Variants in DLGAP2 observed in about 807,000 individuals in gnomAD.
The protein encoded by DLGAP2 is DLG associated protein 2.
Under a neutral mutation model 100.3 loss-of-function variants are expected in DLGAP2, and 26 were observed. The ratio of observed to expected loss-of-function variants is 0.26; its 90% CI spans 0.19 to 0.36. DLGAP2 has a LOEUF of 0.36. Ranked by LOEUF, DLGAP2 falls within the 10% of genes least tolerant of loss-of-function variation. DLGAP2 has a pLI of 1.00. For missense variants in DLGAP2, 1,858 were observed against 1,453.2 expected, an observed-to-expected ratio of 1.28 and a Z score of -4.53; for synonymous variants, 886 against 630.1, an observed-to-expected ratio of 1.41 and a Z score of -6.08.
At chr8:1,276,219 G>A (rs971713302) in intron 3 of DLGAP2, among the ~76,000 whole-genome samples, 5 of 149,512 alleles carry the variant, frequency 3.3e-5, no homozygotes, top group East Asian at 2.0e-4. Context: ...CTCCCCCCCC[G>A]ACCCTAGCTC....
At chr8:1,696,008 C>G (rs1342080158) in intron 13 of DLGAP2, among the ~76,000 whole-genome samples, 3 of 152,226 alleles carry the variant, frequency 2.0e-5, no homozygotes, top group Non-Finnish European at 4.4e-5. Flanking sequence ...CGGAGGGCAG[C>G]TGGGGGCCCC....
chr8:1,287,957 T>G (rs1799978059), intron 3 of DLGAP2, among the ~76,000 whole-genome samples: 1 of 113,468 alleles, frequency 8.8e-6, no homozygotes, highest in African/African-American at 3.6e-5. Flanking sequence ...TGTGTGTGTG[T>G]GGTTGTTAGG....
intron 6 of DLGAP2, chr8:1,620,562 G>A (rs1040618408): frequency 2.0e-5 from 3 of 152,386 alleles, no homozygotes; most frequent in Non-Finnish European, 2.9e-5. Flanking sequence ...TCCAAAACCT[G>A]TTTTTCTTCC....
chr8:1,029,656 G>T (rs998633036), intron 2 of DLGAP2, among the ~76,000 whole-genome samples: 1 of 149,334 alleles, frequency 6.7e-6, no homozygotes, highest in Non-Finnish European at 1.5e-5. Context: ...GTGAATCTGT[G>T]TTTTAATACT....
In DLGAP2 at chr8:1,703,460, T is replaced by G. The variant is rs1450802825; in HGVS notation, c.*2054T>G. The G allele has an allele frequency of 6.6e-6, 1 of 152,632 alleles. No homozygotes were observed. The highest frequency in any genetic ancestry group is 1.5e-5 in the Non-Finnish European group (1 of 68,040). The allele number at this position is 152,632 out of a possible 1,614,324, so 9.5% of individuals were successfully genotyped here. On this transcript the variant is annotated 3_prime_UTR_variant, in exon 15 of 15. Coordinates refer to ENST00000637795, the MANE Select transcript of DLGAP2 (RefSeq NM_001346810.2). ...TCTTATTATGTTAAAACAAATGTAT[T>G]TGCGAGTATTGGCATTTTAGACTTT...
intron 3 of DLGAP2, among the ~76,000 whole-genome samples, chr8:1,494,785 A>C (rs1018251725): frequency 2.0e-5 from 3 of 152,070 alleles, no homozygotes; most frequent in Non-Finnish European, 4.4e-5. Context: ...GCCTCCCCCA[A>C]ACAGACACCA....
intron 1 of DLGAP2, among the ~76,000 whole-genome samples, chr8:750,334 A>C (rs1214926732): frequency 6.6e-6 from 1 of 152,262 alleles, no homozygotes; most frequent in Non-Finnish European, 1.5e-5. Flanking sequence ...AGGAAAAGTA[A>C]CAAAAGAAAC....
intron 1 of DLGAP2, among the ~76,000 whole-genome samples, chr8:874,753 C>T (rs1177470685): frequency 6.6e-6 from 1 of 152,142 alleles, no homozygotes; most frequent in Non-Finnish European, 1.5e-5. Flanking sequence ...TTGTTCAAGC[C>T]TTCTCTTTCC....
At chr8:1,544,061 C>T (rs1341634887) in intron 4 of DLGAP2, among the ~76,000 whole-genome samples, 1 of 152,032 alleles carries the variant, frequency 6.6e-6, no homozygotes, top group Non-Finnish European at 1.5e-5. Context: ...TACTACTATG[C>T]CTGGCTAATT....
intron 3 of DLGAP2, among the ~76,000 whole-genome samples, chr8:1,352,926 GC>G (rs1801768743): frequency 6.6e-6 from 1 of 152,182 alleles, no homozygotes; most frequent in Non-Finnish European, 1.5e-5. Context: ...AGCTCAGCCT[GC>G]CATTGGGGTG....
chr8:1,076,946 C>T (rs2701932), intron 2 of DLGAP2, among the ~76,000 whole-genome samples: 2 of 136,260 alleles, frequency 1.5e-5, no homozygotes, highest in Non-Finnish European at 3.2e-5. Flanking sequence ...CTGTCCCGGG[C>T]CCCCCAAGAC....
intron 1 of DLGAP2, among the ~76,000 whole-genome samples, chr8:831,294 C>T (rs959833888): frequency 2.0e-5 from 3 of 150,476 alleles, no homozygotes; most frequent in African/African-American, 7.4e-5. Flanking sequence ...TATACATGTG[C>T]CATGTTGGTT....
At chr8:1,501,457 C>G (rs1276927914) in intron 4 of DLGAP2, 26 bp downstream of exon 4, 3 of 1,534,524 alleles carry the variant, frequency 2.0e-6, no homozygotes, top group South Asian at 1.2e-5. Flanking sequence ...CAGCCCCGCT[C>G]TGGCGGGGCC....
intron 2 of DLGAP2, among the ~76,000 whole-genome samples, chr8:923,211 C>G (rs1348980490): frequency 6.6e-6 from 1 of 152,048 alleles, no homozygotes; most frequent in Non-Finnish European, 1.5e-5. Context: ...GACAGGCTTT[C>G]TCTCCTGTGT....
intron 1 of DLGAP2, among the ~76,000 whole-genome samples, chr8:833,419 G>A (rs990737696): frequency 4.6e-5 from 7 of 152,144 alleles, no homozygotes; most frequent in Non-Finnish European, 1.0e-4. Flanking sequence ...TGAGGTTCTG[G>A]GGGGACCTGT....
intron 3 of DLGAP2, among the ~76,000 whole-genome samples, chr8:1,465,578 C>T (rs1798604172): frequency 6.6e-6 from 1 of 152,172 alleles, no homozygotes; most frequent in South Asian, 2.1e-4. Flanking sequence ...TCCCAGGGCA[C>T]CACCCTCCAG....
intron 1 of DLGAP2, among the ~76,000 whole-genome samples, chr8:760,975 C>A (rs887150139): frequency 6.6e-6 from 1 of 152,162 alleles, no homozygotes; most frequent in African/African-American, 2.4e-5. Context: ...GTGGTAGTTT[C>A]CAGGCTCATG....
chr8:1,417,612 C>T (rs1191622640), intron 3 of DLGAP2, among the ~76,000 whole-genome samples: 1 of 20,884 alleles, frequency 4.8e-5, no homozygotes, highest in Non-Finnish European at 1.0e-4. Context: ...CTCAGAAGGA[C>T]TTCACTGCGT....
intron 8 of DLGAP2, among the ~76,000 whole-genome samples, chr8:1,642,353 T>C (rs867993717): frequency 7.9e-4 from 28 of 35,326 alleles, no homozygotes; most frequent in South Asian, 1.3e-3. Context: ...CCGCCGGTCC[T>C]CACCTGTGTC....
Sources: gnomAD v4.1 joint callset for allele counts (sites outside exome capture counted in the v4.1 genomes callset) on GRCh38, gnomAD v4.1.1 for gene constraint, MANE v1.5 for transcripts, NCBI Gene and HGNC (gene_info 2026-07-23, HGNC 2026-07-21) for gene names.